PLEKHA7: variants seen among roughly 807,000 people sequenced by gnomAD.
PLEKHA7 encodes pleckstrin homology domain-containing family A member 7.
In PLEKHA7, 104 loss-of-function variants were observed where a neutral mutation model predicts 170.0. That is an observed-to-expected ratio of 0.61 (90% CI 0.52 to 0.72). PLEKHA7 has a LOEUF of 0.72. Ranked by LOEUF, PLEKHA7 falls within the 30% of genes least tolerant of loss-of-function variation. The probability of loss-of-function intolerance (pLI) is 0.00; values close to 1 mark genes in which losing one functional copy is unlikely to be tolerated. For synonymous variants in PLEKHA7, 648 were observed against 660.8 expected (o/e 0.98, Z 0.30); for missense variants, 1,615 against 1,671.7 (o/e 0.97, Z 0.59).
At chr11:16,843,155 T>C (rs1467854327) in intron 8 of PLEKHA7, among the ~76,000 whole-genome samples, 1 of 152,224 alleles carries the variant, frequency 6.6e-6, no homozygotes, top group Non-Finnish European at 1.5e-5. Context: ...AACGAAGAGT[T>C]AGAGCCCAGG....
chr11:16,890,409 G>A (rs932560944), intron 3 of PLEKHA7, among the ~76,000 whole-genome samples: 8 of 152,062 alleles, frequency 5.3e-5, no homozygotes, highest in African/African-American at 1.4e-4. Flanking sequence ...AACCCACCTC[G>A]CTGATAAAGA....
Position 16,817,409 on chromosome 11 carries a change from T to C in PLEKHA7, c.1344-87A>G. 3 of 1,333,104 alleles carry C rather than the reference T, an allele frequency of 2.3e-6. No homozygotes were observed. In the Middle Eastern group the frequency reaches 5.7e-4, roughly 252 times the overall value. The allele number at this position is 1,333,104 out of a possible 1,614,324, so 82.6% of individuals were successfully genotyped here. A position where few individuals can be genotyped will look rare whatever the true frequency, so the allele number is the denominator to read the frequency against. On this transcript the variant is annotated intron_variant, in intron 10 of 26. Transcript: ENST00000531066. The surrounding 1 kb of genome is among the most constrained non-coding windows in gnomAD (Gnocchi z 4.4). ...ACATATCTAAGTAAACCCACAAAGCTGGGCATGTGGGACAGTCCTGTAAGA... is the reference window on the plus strand; with the variant it reads ...ACATATCTAAGTAAACCCACAAAGCCGGGCATGTGGGACAGTCCTGTAAGA...
intron 4 of PLEKHA7, among the ~76,000 whole-genome samples, chr11:16,864,407 C>G (rs1325993130): frequency 1.3e-5 from 2 of 152,126 alleles, no homozygotes; most frequent in Non-Finnish European, 2.9e-5. Context: ...GCTCCCAACT[C>G]TTATTCTAGG....
At chr11:16,840,058 C>CA (rs1038192792) in intron 9 of PLEKHA7, among the ~76,000 whole-genome samples, 1 of 151,962 alleles carries the variant, frequency 6.6e-6, no homozygotes, top group Admixed American at 6.6e-5. Context: ...ATTATGGAAA[C>CA]AATAGAAAAA....
intron 25 of PLEKHA7, among the ~76,000 whole-genome samples, chr11:16,783,146 A>G (rs1849161489): frequency 6.6e-6 from 1 of 152,204 alleles, no homozygotes; most frequent in Non-Finnish European, 1.5e-5. Flanking sequence ...TTAAATTCAG[A>G]CATGAGATGG....
At chr11:16,976,487 T>C (rs1590764178) in intron 3 of PLEKHA7, among the ~76,000 whole-genome samples, 1 of 152,234 alleles carries the variant, frequency 6.6e-6, no homozygotes, top group Non-Finnish European at 1.5e-5. Flanking sequence ...GACGGTGTGG[T>C]ACGGGGCCAG....
intron 15 of PLEKHA7, among the ~76,000 whole-genome samples, chr11:16,802,730 T>G (rs1241839179): frequency 6.6e-6 from 1 of 152,126 alleles, no homozygotes; most frequent in East Asian, 1.9e-4. Context: ...GTATTTTTAG[T>G]GGAGACAGGG....
chr11:17,007,574 CTTT>C (rs57078018), intron 3 of PLEKHA7, among the ~76,000 whole-genome samples: 18 of 116,154 alleles, frequency 1.5e-4, no homozygotes, highest in Admixed American at 1.8e-4. Context: ...TCTAAAGATG[CTTT>C]TTTTTTTTTT....
chr11:16,782,834 T>C lies in PLEKHA7; in HGVS notation c.3713A>G (p.Gln1238Arg). ...GATGATGCGCTCCTGCTCCTGCAGC[T>C]GCAAGTCCAGGTCAGCCACACTGTT... ...DQNSVADLDL[Q>R]LQEQERIINI... Residue 1238 changes from glutamine to arginine, a missense_variant, in exon 26 of 27, where the codon CAG (glutamine) becomes CGG (arginine). Coordinates refer to ENST00000531066, the MANE Select transcript of PLEKHA7 (RefSeq NM_001329630.2). 3.9e-6 allele frequency: 6 copies of C among 1,536,162 alleles called. No homozygotes were observed. The highest frequency in any genetic ancestry group is 5.2e-6 in the Non-Finnish European group (6 of 1,146,908).
intron 3 of PLEKHA7, among the ~76,000 whole-genome samples, chr11:16,916,658 AAAAGGCTT>A (rs1252517915): frequency 1.1e-4 from 17 of 152,232 alleles, no homozygotes; most frequent in Non-Finnish European, 2.4e-4. Flanking sequence ...TGCAAGGCCC[AAAAGGCTT>A]AAGTCTGAAA....
In PLEKHA7 at chr11:16,913,009, G is replaced by A. The variant is rs572557049; in HGVS notation, c.222-41827C>T. Among the ~76,000 whole-genome samples, 224 of 152,210 alleles carry A rather than the reference G, an allele frequency of 1.5e-3. 1 individual carries two copies. Among genetic ancestry groups the A allele is most frequent in the Non-Finnish European group, 2.4e-3 (160 of 68,002 alleles). ...ATAAAGCTGTCAGCTCTCAACAATGGACCCACGCTAAGAAAGGTGGCCAAG... is the reference window on the plus strand; with the variant it reads ...ATAAAGCTGTCAGCTCTCAACAATGAACCCACGCTAAGAAAGGTGGCCAAG... On this transcript the variant is annotated intron_variant, in intron 3 of 26. Coordinates refer to ENST00000531066, the MANE Select transcript of PLEKHA7 (RefSeq NM_001329630.2).
At chr11:16,980,969 A>G (rs1310358300) in intron 3 of PLEKHA7, among the ~76,000 whole-genome samples, 1 of 152,210 alleles carries the variant, frequency 6.6e-6, no homozygotes, top group African/African-American at 2.4e-5. Context: ...CTAATCTAAA[A>G]GAACACCAAG....
At chr11:16,809,186 G>C (rs565849316) in intron 13 of PLEKHA7, among the ~76,000 whole-genome samples, 15 of 152,306 alleles carry the variant, frequency 9.8e-5, no homozygotes, top group Admixed American at 4.6e-4. Flanking sequence ...CCCAAGAGCA[G>C]AGTGTCCCGT....
intron 8 of PLEKHA7, among the ~76,000 whole-genome samples, 156 bp from the exon 9 acceptor site, chr11:16,841,878 T>C (rs1338666482): frequency 6.6e-6 from 1 of 152,218 alleles, no homozygotes; most frequent in Non-Finnish European, 1.5e-5. Flanking sequence ...GCTAGATTTC[T>C]CTTTCTTAGT....
intron 23 of PLEKHA7, chr11:16,786,669 A>G: frequency 1.0e-6 from 1 of 985,386 alleles, no homozygotes; most frequent in Non-Finnish European, 1.2e-6. Context: ...AGGGAAATAG[A>G]AGGCTCCCAG....
chr11:16,872,125 C>T (rs376661119), intron 3 of PLEKHA7, among the ~76,000 whole-genome samples: 14 of 151,958 alleles, frequency 9.2e-5, no homozygotes, highest in Non-Finnish European at 1.8e-4. Flanking sequence ...TGCACTACCA[C>T]GCCCGGCTTA....
chr11:16,889,420 A>AAAAAAAATATATATATAT (rs61086849), intron 3 of PLEKHA7, among the ~76,000 whole-genome samples: 2 of 74,684 alleles, frequency 2.7e-5, no homozygotes, highest in African/African-American at 1.3e-4. Flanking sequence ...AAAAAAAAAA[A>AAAAAAAATATATATATAT]ATATATATAT....
At chr11:16,907,995 G>A (rs1355481656) in intron 3 of PLEKHA7, among the ~76,000 whole-genome samples, 1 of 150,826 alleles carries the variant, frequency 6.6e-6, no homozygotes. Context: ...AACATGTGCT[G>A]TGTCCACTCA....
intron 13 of PLEKHA7, chr11:16,807,114 C>G (rs954070217): frequency 3.1e-6 from 3 of 964,332 alleles, no homozygotes; most frequent in Non-Finnish European, 2.5e-6. Flanking sequence ...GGAATGACCC[C>G]GCTTGGAGAC....
Sources: gnomAD v4.1 joint callset for allele counts (sites outside exome capture counted in the v4.1 genomes callset) on GRCh38, gnomAD v4.1.1 for gene constraint, Gnocchi (gnomAD v3.1) non-coding constraint, MANE v1.5 for transcripts, NCBI Gene and HGNC (gene_info 2026-07-23, HGNC 2026-07-21) for gene names.